The following SHLD1 variants were observed in gnomAD, a reference collection of about 807,000 sequenced individuals.
The protein encoded by SHLD1 is shieldin complex subunit 1.
Under a neutral mutation model 5.5 loss-of-function variants are expected in SHLD1, and 3 were observed. The ratio of observed to expected loss-of-function variants is 0.54; its 90% CI spans 0.25 to 1.40. SHLD1 has a LOEUF of 1.40. Among genes scored for constraint, SHLD1 ranks in the 40% most tolerant of loss-of-function variants. The pLI is 0.15. For synonymous variants in SHLD1, 92 were observed against 94.3 expected (o/e 0.98, Z 0.14); for missense variants, 210 against 244.4 (o/e 0.86, Z 0.94).
At chr20:5,776,014 A>G (rs6053674) in intron 2 of SHLD1, among the ~76,000 whole-genome samples, 89,270 of 145,866 alleles carry the variant, frequency 0.61, 27,941 homozygotes, top group African/African-American at 0.8. Flanking sequence ...TGCAACCTCC[A>G]CCTCCCAGGT....
intron 2 of SHLD1, among the ~76,000 whole-genome samples, chr20:5,807,838 T>C (rs2087401353): frequency 6.6e-6 from 1 of 152,224 alleles, no homozygotes; most frequent in Admixed American, 6.5e-5. Flanking sequence ...GACTTACTGC[T>C]ACTAGTCTTT....
At chr20:5,812,017 G>T (rs2087464811) in intron 2 of SHLD1, among the ~76,000 whole-genome samples, 1 of 151,644 alleles carries the variant, frequency 6.6e-6, no homozygotes, top group African/African-American at 2.4e-5. Context: ...TGAAGGGTAA[G>T]TGGGATAATA....
chr20:5,771,974 A>G, intron 1 of SHLD1: 1 of 426,924 alleles, frequency 2.3e-6, no homozygotes, highest in Non-Finnish European at 4.6e-6. Flanking sequence ...TCGCAAGTTC[A>G]AGGGATTCTC....
chr20:5,835,476 A>G (rs2122452521), intron 2 of SHLD1, among the ~76,000 whole-genome samples: 1 of 152,332 alleles, frequency 6.6e-6, no homozygotes, highest in South Asian at 2.1e-4. Context: ...TGAGCACTGC[A>G]GAAGCTGTGG....
intron 2 of SHLD1, among the ~76,000 whole-genome samples, chr20:5,790,047 G>A (rs2087116500): frequency 6.6e-6 from 1 of 152,226 alleles, no homozygotes; most frequent in Admixed American, 6.5e-5. Flanking sequence ...TCTGTGGCAA[G>A]CATGCACATG....
At chr20:5,758,331 G>A (rs1466851499) in intron 1 of SHLD1, among the ~76,000 whole-genome samples, 3 of 129,136 alleles carry the variant, frequency 2.3e-5, no homozygotes, top group African/African-American at 8.5e-5. Flanking sequence ...GGAGGGGAGG[G>A]GAGGGGAAGG....
chr20:5,789,443 G>T (rs900909141), intron 2 of SHLD1, among the ~76,000 whole-genome samples: 1 of 151,576 alleles, frequency 6.6e-6, no homozygotes, highest in Admixed American at 6.6e-5. Flanking sequence ...TGGGCGTGGT[G>T]GTGGGCACCT....
chr20:5,803,586 A>C (rs2087329337), intron 2 of SHLD1, among the ~76,000 whole-genome samples: 1 of 152,082 alleles, frequency 6.6e-6, no homozygotes, highest in African/African-American at 2.4e-5. Flanking sequence ...AAAAAAAAAC[A>C]AGGGCCAGTC....
In SHLD1 at chr20:5,863,612, A is replaced by C. The variant is rs1412241816; in HGVS notation, c.*149A>C. On this transcript the variant is annotated 3_prime_UTR_variant, in exon 3 of 3. Coordinates refer to ENST00000303142, the MANE Select transcript of SHLD1 (RefSeq NM_152504.4). ...TTGAGGTTAAAGGCTGGCACCTGTGACCTGGTATTGGAGCCAGTCAGCCCA... is the reference window on the plus strand; with the variant it reads ...TTGAGGTTAAAGGCTGGCACCTGTGCCCTGGTATTGGAGCCAGTCAGCCCA... The C allele has an allele frequency of 1.3e-6, 1 of 757,000 alleles. No homozygotes were observed. Among genetic ancestry groups the C allele is most frequent in the East Asian group, 2.7e-5 (1 of 36,722 alleles). The allele number at this position is 757,000 out of a possible 1,614,324, so 46.9% of individuals were successfully genotyped here.
intron 2 of SHLD1, among the ~76,000 whole-genome samples, chr20:5,851,152 G>A (rs908478385): frequency 2.0e-5 from 3 of 152,130 alleles, no homozygotes; most frequent in African/African-American, 7.2e-5. Flanking sequence ...AAATCTTCAG[G>A]AAAGATTATT....
chr20:5,763,282 C>G (rs1330453993), intron 1 of SHLD1, among the ~76,000 whole-genome samples: 4 of 129,944 alleles, frequency 3.1e-5, no homozygotes, highest in African/African-American at 1.2e-4. Flanking sequence ...AAGAGCAAAA[C>G]TCCATCTCAA....
intron 2 of SHLD1, among the ~76,000 whole-genome samples, chr20:5,846,523 G>C (rs6139855): frequency 1.3e-5 from 2 of 152,192 alleles, no homozygotes; most frequent in Non-Finnish European, 2.9e-5. Flanking sequence ...TTACCATCTA[G>C]GCAAGGATAT....
intron 2 of SHLD1, among the ~76,000 whole-genome samples, chr20:5,796,704 A>G (rs983417528): frequency 2.0e-5 from 3 of 151,796 alleles, no homozygotes; most frequent in Admixed American, 6.6e-5. Flanking sequence ...TGGCATGCGC[A>G]TATAGTGCCA....
chr20:5,779,373 G>T (rs547628640), intron 2 of SHLD1, among the ~76,000 whole-genome samples: 6 of 152,194 alleles, frequency 3.9e-5, no homozygotes, highest in African/African-American at 1.4e-4. Flanking sequence ...AATTGTCCAG[G>T]GGCCTGGGTT....
intron 2 of SHLD1, among the ~76,000 whole-genome samples, chr20:5,861,950 C>T (rs1485400935): frequency 6.6e-6 from 1 of 152,178 alleles, no homozygotes; most frequent in Non-Finnish European, 1.5e-5. Context: ...GTGAGGGCTC[C>T]TTTCCTGGCT....
chr20:5,781,240 G>C (rs2122272747), intron 2 of SHLD1, among the ~76,000 whole-genome samples: 1 of 152,240 alleles, frequency 6.6e-6, no homozygotes, highest in Admixed American at 6.5e-5. Flanking sequence ...CTGCCAAACA[G>C]GGCTTCCTGA....
intron 2 of SHLD1, among the ~76,000 whole-genome samples, chr20:5,825,420 C>G (rs775713317): frequency 6.6e-6 from 1 of 152,182 alleles, no homozygotes; most frequent in Non-Finnish European, 1.5e-5. Flanking sequence ...TTTAACAGCC[C>G]GCAGTGCAAA....
At chr20:5,783,423 C>T (rs2087014054) in intron 2 of SHLD1, among the ~76,000 whole-genome samples, 1 of 152,104 alleles carries the variant, frequency 6.6e-6, no homozygotes, top group African/African-American at 2.4e-5. Flanking sequence ...AAGGTTTCAC[C>T]ATGTTGGCCA....
At chr20:5,782,931 G>T (rs1185930346) in intron 2 of SHLD1, among the ~76,000 whole-genome samples, 2 of 152,088 alleles carry the variant, frequency 1.3e-5, no homozygotes, top group Non-Finnish European at 2.9e-5. Flanking sequence ...AGGAGTCAGG[G>T]TATATTTTAG....
Sources: gnomAD v4.1 joint callset for allele counts (sites outside exome capture counted in the v4.1 genomes callset) on GRCh38, gnomAD v4.1.1 for gene constraint, MANE v1.5 for transcripts, NCBI Gene and HGNC (gene_info 2026-07-23, HGNC 2026-07-21) for gene names.